Variants in EHMT1 observed in about 807,000 individuals in gnomAD.
EHMT1 encodes the protein euchromatic histone lysine methyltransferase 1.
EHMT1 carries 15 observed loss-of-function variants against 147.2 expected under a neutral mutation model. The ratio of observed to expected loss-of-function variants is 0.10; its 90% CI spans 0.07 to 0.16. EHMT1 has a LOEUF of 0.16. EHMT1 is among the 10% of genes least tolerant of loss of function. EHMT1 has a pLI of 1.00. For missense variants in EHMT1, 1,587 were observed against 1,772.4 expected (o/e 0.90, Z 1.88); for synonymous variants, 795 against 709.6 (o/e 1.12, Z -1.91).
chr9:137,720,599 G>A (rs748877112), intron 3 of EHMT1, among the ~76,000 whole-genome samples: 6 of 152,074 alleles, frequency 3.9e-5, no homozygotes, highest in South Asian at 4.1e-4. Context: ...CAACGTGCCC[G>A]GCCTATTTCT....
intron 17 of EHMT1, among the ~76,000 whole-genome samples, chr9:137,799,863 T>C (rs1170225463): frequency 6.6e-6 from 1 of 152,240 alleles, no homozygotes; most frequent in Non-Finnish European, 1.5e-5. Flanking sequence ...GCCTGGTCCC[T>C]GCATCTGAAG....
In EHMT1 at chr9:137,817,333, G is replaced by A. The variant is rs1397560633; in HGVS notation, c.3375-106G>A. ...ATCGAACGCTTCGGATACAGAACCA[G>A]TTTTCTTCCTCATTTCAGTGACGTG... On this transcript the variant is annotated intron_variant, in intron 23 of 26. Transcript: ENST00000460843. 1.7e-5 allele frequency: 22 copies of A among 1,311,188 alleles called. No homozygotes were observed. The East Asian group carries it at 3.7e-4, about 22-fold the overall frequency. The allele number at this position is 1,311,188 out of a possible 1,614,324, so 81.2% of individuals were successfully genotyped here. A position where few individuals can be genotyped will look rare whatever the true frequency, so the allele number is the denominator to read the frequency against.
In EHMT1 at chr9:137,776,593, T is replaced by A. The variant is rs757912891; in HGVS notation, c.1792-25T>A. The stretch of plus-strand genomic sequence containing the variant: ...ATATTAACCCCAATTAAAACAAAAA[T>A]TTTTTTTTGTCCTCCCATTTTTAGG... On this transcript the variant is annotated intron_variant, in intron 11 of 26. Transcript: ENST00000460843. The surrounding 1 kb of genome is among the most constrained non-coding windows in gnomAD (Gnocchi z 4.4). 30 of 1,564,916 alleles carry A rather than the reference T, an allele frequency of 1.9e-5. No individual in the cohort carries two copies. The highest frequency in any genetic ancestry group is 1.1e-4 in the South Asian group (10 of 89,754).
At chr9:137,738,157 G>T (rs35467946) in intron 4 of EHMT1, among the ~76,000 whole-genome samples, 7,613 of 151,166 alleles carry the variant, frequency 0.05, 640 homozygotes, top group African/African-American at 0.17. Context: ...TCGGACCACT[G>T]CACTCCAGCC....
chr9:137,676,787 G>A (rs1400573581), intron 1 of EHMT1, among the ~76,000 whole-genome samples: 1 of 152,168 alleles, frequency 6.6e-6, no homozygotes, highest in East Asian at 1.9e-4. Context: ...TCCGCCTTCC[G>A]CAGGGGAGGA....
rs1307716987 is a variant in EHMT1, at chr9:137,679,060, TCTC to T, written c.22-31904_22-31902del. 2.6e-5 allele frequency among the ~76,000 whole-genome samples: 4 copies of T among 152,168 alleles called. No homozygotes were observed. The East Asian group carries it at 7.7e-4, about 29-fold the overall frequency. On this transcript the variant is annotated intron_variant, in intron 1 of 26. Coordinates refer to ENST00000460843, the MANE Select transcript of EHMT1 (RefSeq NM_024757.5). Reference sequence around the variant, plus strand: ...TCTCCGCCTCCCGGGTTCAAGTGATTCTCCTGCCTCAGCCTCCTGGGTAGCTGG... The same window carrying T: ...TCTCCGCCTCCCGGGTTCAAGTGATTCTGCCTCAGCCTCCTGGGTAGCTGG...
chr9:137,756,751 G>C (rs976813276), intron 8 of EHMT1, among the ~76,000 whole-genome samples: 1 of 152,136 alleles, frequency 6.6e-6, no homozygotes, highest in African/African-American at 2.4e-5. Flanking sequence ...CAAAATGTGT[G>C]CTTTTAAATA....
At chr9:137,691,776 A>G (rs889525883) in intron 1 of EHMT1, among the ~76,000 whole-genome samples, 4 of 152,140 alleles carry the variant, frequency 2.6e-5, no homozygotes, top group Admixed American at 1.3e-4. Context: ...GTAAGGGTCC[A>G]TCTCTTTGAT....
Position 137,776,982 on chromosome 9 carries a change from A to T in EHMT1, c.2018+138A>T. ...GCTGATGCTTATGGTGATTTCTGAC[A>T]TTTAAGACTCTGAAATTCATTTATT... On this transcript the variant is annotated intron_variant, in intron 12 of 26. Coordinates refer to ENST00000460843, the MANE Select transcript of EHMT1 (RefSeq NM_024757.5). The surrounding 1 kb of genome is among the most constrained non-coding windows in gnomAD (Gnocchi z 4.4). 2 of 805,220 alleles carry T rather than the reference A, an allele frequency of 2.5e-6. No individual in the cohort carries two copies. Among genetic ancestry groups the T allele is most frequent in the Non-Finnish European group, 2.0e-6 (1 of 507,716 alleles). 49.9% of individuals were successfully genotyped at this position (805,220 alleles called of 1,614,324 possible).
At chr9:137,824,602 C>G (rs1487570402) in intron 25 of EHMT1, among the ~76,000 whole-genome samples, 1 of 152,136 alleles carries the variant, frequency 6.6e-6, no homozygotes, top group Admixed American at 6.5e-5. Context: ...TCGCATTGAG[C>G]CTTCTGACCC....
At chr9:137,621,945 TTTTTTTTCTTTTTA>T (rs989776728) in intron 1 of EHMT1, among the ~76,000 whole-genome samples, 17 of 152,072 alleles carry the variant, frequency 1.1e-4, no homozygotes, top group East Asian at 5.8e-4. Flanking sequence ...TGTCTTTCTT[TTTTTTTTCTTTTTA>T]TTTTTTTCTT....
At chr9:137,751,203 G>A (rs552228414) in intron 6 of EHMT1, among the ~76,000 whole-genome samples, 2 of 152,294 alleles carry the variant, frequency 1.3e-5, no homozygotes, top group African/African-American at 4.8e-5. Flanking sequence ...TCTCAAATGA[G>A]GACGTTCTTC....
At chr9:137,774,302 GCACATGTGGCCCAC>G (rs1484808962) in intron 10 of EHMT1, among the ~76,000 whole-genome samples, 1 of 152,248 alleles carries the variant, frequency 6.6e-6, no homozygotes, top group Non-Finnish European at 1.5e-5. Flanking sequence ...GTGGATGTGG[GCACATGTGGCCCAC>G]TGGATCTGGT....
Position 137,786,370 on chromosome 9 carries a change from A to G in EHMT1, c.2382+3973A>G, listed in dbSNP as rs1043757624. 6.6e-6 allele frequency: 1 copy of G among 152,214 alleles called. No individual in the cohort carries two copies. Among genetic ancestry groups the G allele is most frequent in the Non-Finnish European group, 1.5e-5 (1 of 68,048 alleles). The allele number at this position is 152,214 out of a possible 1,614,324, so 9.4% of individuals were successfully genotyped here. On this transcript the variant is annotated intron_variant, in intron 15 of 26. Coordinates refer to ENST00000460843, the MANE Select transcript of EHMT1 (RefSeq NM_024757.5). This position sits in a 1 kb window ranked among gnomAD's most constrained non-coding sequence, Gnocchi z 4.3. ...CTAAGCGGTTTTCCTGAGATTCTCC[A>G]GGAAGAGAGAGAGATTGGCTTTATC...
At chr9:137,803,464 C>T (rs1953669782) in intron 18 of EHMT1, 2 of 254,176 alleles carry the variant, frequency 7.9e-6, no homozygotes, top group South Asian at 1.5e-4. Context: ...CCATGGGCAG[C>T]TTTCCCTCGC....
chr9:137,758,351 G>A (rs1201673354), intron 9 of EHMT1, among the ~76,000 whole-genome samples: 3 of 152,230 alleles, frequency 2.0e-5, no homozygotes, highest in Non-Finnish European at 4.4e-5. Flanking sequence ...ACACGGGGAC[G>A]TACTGTTGAA....
chr9:137,779,585 T>A (rs779957168), intron 13 of EHMT1, 50 bp from the exon 14 acceptor site: 1 of 1,603,370 alleles, frequency 6.2e-7, no homozygotes, highest in Non-Finnish European at 8.5e-7. Flanking sequence ...TTCAGCTTCA[T>A]GTGTGGGATG....
rs1435575081 is a variant in EHMT1, at chr9:137,775,202, C to T, written c.1741C>T (p.Arg581Cys). 5 of 1,613,544 alleles carry T rather than the reference C, an allele frequency of 3.1e-6. No individual in the cohort carries two copies. Among genetic ancestry groups the T allele is most frequent in the Non-Finnish European group, 2.5e-6 (3 of 1,180,022 alleles). The change falls in exon 11 of 27, where the codon CGC becomes TGC. Residue 581 changes from arginine to cysteine, a missense_variant. This residue lies in a region of EHMT1 where 124 missense variants were observed against 197.8 expected (regional missense o/e 0.63). Transcript: ENST00000460843. This position sits in a 1 kb window ranked among gnomAD's most constrained non-coding sequence, Gnocchi z 6.1. ...CGTGCTGTGTGAAGACCACCGGGGC[C>T]GCATGGTGAAGCACCAGTGCTGTCC... Reference protein sequence around the residue: ...LLVLCEDHRGRMVKHQCCPGC... With the variant: ...LLVLCEDHRGCMVKHQCCPGC...
At chr9:137,740,983 T>G (rs189895597) in intron 4 of EHMT1, among the ~76,000 whole-genome samples, 122 of 150,034 alleles carry the variant, frequency 8.1e-4, no homozygotes, top group East Asian at 7.4e-3. Context: ...ATGATTTTTT[T>G]TTTGTTTGTT....
Sources: allele counts gnomAD v4.1 joint callset (sites outside exome capture counted in the v4.1 genomes callset), GRCh38; gene constraint gnomAD v4.1.1; regional missense constraint gnomAD v4.1.1; non-coding constraint Gnocchi (gnomAD v3.1); transcripts MANE v1.5; gene names NCBI Gene and HGNC (gene_info 2026-07-23, HGNC 2026-07-21).